CTNND2: variants seen among roughly 807,000 people sequenced by gnomAD.
CTNND2 encodes catenin delta-2.
A neutral mutation model predicts 144.4 loss-of-function variants in CTNND2; 22 were observed. That is an observed-to-expected ratio of 0.15 (90% confidence interval 0.11 to 0.22). CTNND2 has a LOEUF of 0.22. CTNND2 is among the 10% of genes least tolerant of loss of function. The pLI is 1.00. For synonymous variants in CTNND2, 751 were observed against 695.6 expected, an observed-to-expected ratio of 1.08 and a Z score of -1.25; for missense variants, 1,353 against 1,618.8, an observed-to-expected ratio of 0.84 and a Z score of 2.82.
At chr5:11,549,807 G>A (rs2150082603) in intron 3 of CTNND2, among the ~76,000 whole-genome samples, 1 of 152,232 alleles carries the variant, frequency 6.6e-6, no homozygotes, top group South Asian at 2.1e-4. Flanking sequence ...TCACAGCTAT[G>A]TTATCATACA....
At chr5:11,828,754 TG>T (rs1002343214) in intron 1 of CTNND2, among the ~76,000 whole-genome samples, 1 of 152,094 alleles carries the variant, frequency 6.6e-6, no homozygotes, top group African/African-American at 2.4e-5. Context: ...CACAGTAAAT[TG>T]GTACCAGGAG....
chr5:11,630,494 G>T (rs1006320158), intron 2 of CTNND2, among the ~76,000 whole-genome samples: 5 of 152,182 alleles, frequency 3.3e-5, no homozygotes, highest in African/African-American at 1.2e-4. Context: ...GTGTAAAGAG[G>T]TCATCTTTTT....
chr5:11,419,364 T>A, intron 3 of CTNND2, among the ~76,000 whole-genome samples: 1 of 152,182 alleles, frequency 6.6e-6, no homozygotes, highest in East Asian at 1.9e-4. Flanking sequence ...ACCTTTGTGA[T>A]TGCAGCCTTT....
chr5:11,404,599 A>ATTTTTT (rs1405789135), intron 5 of CTNND2, among the ~76,000 whole-genome samples: 11 of 32,828 alleles, frequency 3.4e-4, no homozygotes, highest in Non-Finnish European at 7.7e-4. Flanking sequence ...CAGTATCTGT[A>ATTTTTT]TTCTTTTTTT....
intron 9 of CTNND2, among the ~76,000 whole-genome samples, chr5:11,294,529 C>T (rs1002000675): frequency 6.6e-6 from 1 of 152,096 alleles, no homozygotes; most frequent in Non-Finnish European, 1.5e-5. Context: ...AGCTTTCATG[C>T]AAATATAGAA....
chr5:11,256,019 C>T lies in CTNND2; in HGVS notation c.1629-19196G>A, dbSNP rs770191715. ...GGGACTTTGTTCCAGAACAGCCCTG[C>T]GTTCCGGCCACTGCCTCCTCCCTGG... is the stretch of plus-strand genomic sequence containing the variant. On this transcript the variant is annotated intron_variant, in intron 9 of 21. Coordinates refer to ENST00000304623, the MANE Select transcript of CTNND2 (RefSeq NM_001332.4). 2.6e-5 allele frequency among the ~76,000 whole-genome samples: 4 copies of T among 152,332 alleles called. No homozygotes were observed. The East Asian group carries it at 5.8e-4, about 22-fold the overall frequency.
At chr5:11,228,100 G>A (rs536402748) in intron 10 of CTNND2, among the ~76,000 whole-genome samples, 54 of 151,864 alleles carry the variant, frequency 3.6e-4, no homozygotes, top group Non-Finnish European at 4.4e-4. Flanking sequence ...CCAGCTCTTT[G>A]GGAGGGCAAG....
At chr5:11,283,657 G>C (rs1443862421) in intron 9 of CTNND2, among the ~76,000 whole-genome samples, 1 of 98,044 alleles carries the variant, frequency 1.0e-5, no homozygotes, top group East Asian at 3.5e-4. Flanking sequence ...CTGGGTGAAA[G>C]AGTGAGACTC....
chr5:11,815,798 C>T (rs1792598616), intron 1 of CTNND2, among the ~76,000 whole-genome samples: 1 of 152,134 alleles, frequency 6.6e-6, no homozygotes, highest in East Asian at 1.9e-4. Context: ...CATCAGCCTC[C>T]CCCAAGACTT....
chr5:11,829,746 G>A (rs1561839964), intron 1 of CTNND2, among the ~76,000 whole-genome samples: 1 of 152,214 alleles, frequency 6.6e-6, no homozygotes, highest in Non-Finnish European at 1.5e-5. Flanking sequence ...TCCCTACTGA[G>A]GCACTGCCTC....
chr5:11,202,699 C>T (rs1290978922), intron 10 of CTNND2, among the ~76,000 whole-genome samples: 1 of 152,180 alleles, frequency 6.6e-6, no homozygotes, highest in East Asian at 1.9e-4. Context: ...CTCCAGTCCT[C>T]TTGCTTCTGG....
intron 2 of CTNND2, among the ~76,000 whole-genome samples, chr5:11,731,831 T>C (rs1461927794): frequency 6.6e-6 from 1 of 152,176 alleles, no homozygotes; most frequent in Non-Finnish European, 1.5e-5. Context: ...TTATTTCACT[T>C]TGTATGTTTA....
At chr5:11,284,910 A>G (rs1033380587) in intron 9 of CTNND2, among the ~76,000 whole-genome samples, 1 of 152,216 alleles carries the variant, frequency 6.6e-6, no homozygotes, top group South Asian at 2.1e-4. Flanking sequence ...AGCAGAAACC[A>G]GAAATCTGCT....
intron 11 of CTNND2, among the ~76,000 whole-genome samples, chr5:11,199,114 A>G (rs1737167277): frequency 6.6e-6 from 1 of 152,184 alleles, no homozygotes; most frequent in East Asian, 1.9e-4. Context: ...AAACTGACAC[A>G]CCTTGTCCTT....
At chr5:11,757,202 C>T (rs1484200056) in intron 1 of CTNND2, among the ~76,000 whole-genome samples, 1 of 151,402 alleles carries the variant, frequency 6.6e-6, no homozygotes, top group East Asian at 1.9e-4. Context: ...CACACACACA[C>T]ATAACAAAAA....
At chr5:11,872,253 C>T (rs568689196) in intron 1 of CTNND2, among the ~76,000 whole-genome samples, 36 of 152,142 alleles carry the variant, frequency 2.4e-4, no homozygotes, top group South Asian at 8.3e-4. Flanking sequence ...ATGGTGTATA[C>T]GTGCCACATT....
intron 12 of CTNND2, among the ~76,000 whole-genome samples, 171 bp from the exon 13 acceptor site, chr5:11,117,738 C>G (rs968266016): frequency 1.3e-5 from 2 of 152,176 alleles, no homozygotes; most frequent in African/African-American, 2.4e-5. Flanking sequence ...CAAAACACAT[C>G]CCAGAGTTGG....
At chr5:11,504,076 T>C (rs1020631721) in intron 3 of CTNND2, among the ~76,000 whole-genome samples, 3 of 152,234 alleles carry the variant, frequency 2.0e-5, no homozygotes, top group African/African-American at 7.2e-5. Flanking sequence ...AGAATCATTA[T>C]ATTTATCACC....
At chr5:11,126,636 A>G (rs1470485052) in intron 12 of CTNND2, among the ~76,000 whole-genome samples, 15 of 152,212 alleles carry the variant, frequency 9.9e-5, no homozygotes. Context: ...AGTAACCACG[A>G]TATCATCAGT....
Sources: gnomAD v4.1 joint callset for allele counts (sites outside exome capture counted in the v4.1 genomes callset) on GRCh38, gnomAD v4.1.1 for gene constraint, MANE v1.5 for transcripts, NCBI Gene and HGNC (gene_info 2026-07-23, HGNC 2026-07-21) for gene names.